Variants in SLC37A1 observed in about 807,000 individuals in gnomAD.
The protein encoded by SLC37A1 is glucose-6-phosphate exchanger SLC37A1.
SLC37A1 carries 49 observed loss-of-function variants against 75.3 expected under a neutral mutation model. The ratio of observed to expected loss-of-function variants is 0.65; its 90% CI spans 0.52 to 0.83. SLC37A1 has a LOEUF of 0.83. Ranked by LOEUF, SLC37A1 falls within the 40% of genes least tolerant of loss-of-function variation. The pLI is 0.00. For synonymous variants in SLC37A1, 268 were observed against 292.1 expected, an observed-to-expected ratio of 0.92 and a Z score of 0.84; for missense variants, 566 against 695.0, an observed-to-expected ratio of 0.81 and a Z score of 2.09.
At chr21:42,522,230 T>C (rs6586327) in intron 2 of SLC37A1, among the ~76,000 whole-genome samples, 109,614 of 152,202 alleles carry the variant, frequency 0.72, 40,157 homozygotes, top group Admixed American at 0.77. Flanking sequence ...AGGTTTTGGG[T>C]GGACATGAAA....
intron 2 of SLC37A1, among the ~76,000 whole-genome samples, chr21:42,523,897 C>T (rs376951401): frequency 0.055 from 8,132 of 148,758 alleles, 287 homozygotes; most frequent in Middle Eastern, 0.12. Context: ...GAAATATGGC[C>T]TTTTTTTTTT....
At position 42,543,377 on chromosome 21, in the gene SLC37A1, G is replaced by A. The variant is rs1207703459; in HGVS notation, c.564-59G>A. The A allele has an allele frequency of 3.7e-6, 6 of 1,607,542 alleles. No homozygotes were observed. In the African/African-American group the frequency reaches 4.0e-5, roughly 11 times the overall value. On this transcript the variant is annotated intron_variant, in intron 7 of 19. Transcript: ENST00000352133. ...TGCAGGCACTGCTGCGCCCTGCACT[G>A]CTGGACTCGTTTCAGCTTCTCAGCT...
At chr21:42,517,920 C>T (rs2054553009) in intron 1 of SLC37A1, among the ~76,000 whole-genome samples, 1 of 152,204 alleles carries the variant, frequency 6.6e-6, no homozygotes, top group South Asian at 2.1e-4. Flanking sequence ...CCTGGCATGC[C>T]TTGATATCTG....
intron 19 of SLC37A1, among the ~76,000 whole-genome samples, 191 bp downstream of exon 19, chr21:42,579,991 C>T (rs2056392561): frequency 6.6e-6 from 1 of 152,176 alleles, no homozygotes; most frequent in Admixed American, 6.5e-5. Context: ...GGTAATCTCT[C>T]CTCAAACCCT....
intron 9 of SLC37A1, among the ~76,000 whole-genome samples, chr21:42,549,459 C>A (rs1158709075): frequency 6.6e-6 from 1 of 152,234 alleles, no homozygotes; most frequent in Non-Finnish European, 1.5e-5. Context: ...GTGTCCCCGA[C>A]GTGCCCTGAG....
intron 18 of SLC37A1, chr21:42,575,331 G>T: frequency 8.1e-6 from 8 of 985,468 alleles, no homozygotes; most frequent in Non-Finnish European, 9.6e-6. Flanking sequence ...GCCTCCCAGT[G>T]GTCATCAGTG....
chr21:42,564,896 T>A, intron 14 of SLC37A1, 103 bp downstream of exon 14: 2 of 1,119,782 alleles, frequency 1.8e-6, no homozygotes, highest in Non-Finnish European at 2.6e-6. Context: ...TCCACTTTCC[T>A]GACAAGCCCG....
At chr21:42,539,670 C>T (rs1486135576) in intron 6 of SLC37A1, 23 bp downstream of exon 6, 3 of 1,604,126 alleles carry the variant, frequency 1.9e-6, no homozygotes, top group Non-Finnish European at 2.6e-6. Context: ...ATCCGTGGCT[C>T]ACCATGTACG....
In SLC37A1 at chr21:42,559,017, C is replaced by T. The variant is rs118032072; in HGVS notation, c.909C>T (p.His303=). The T allele has an allele frequency of 0.052, 84,589 of 1,613,780 alleles. 2,571 individuals carry two copies. Among genetic ancestry groups the T allele is most frequent in the Non-Finnish European group, 0.061 (72,160 of 1,179,836 alleles). ...GGAAGGGCTCCATCCACCCGAACCA[C>T]GTCGTCATTCTCCCCGGGGACGGTG... The part of the protein sequence containing the change: ...SDGKGSIHPN[H]VVILPGDGGS... The change falls in exon 11 of 20, where the codon CAC becomes CAT. Residue 303 remains histidine, a synonymous_variant. Transcript: ENST00000352133.
In SLC37A1 at chr21:42,508,160, GCT is replaced by G. The variant is rs1301606027; in HGVS notation, c.-179+5746_-179+5747del. On this transcript the variant is annotated intron_variant, in intron 2 of 20. Transcript: ENST00000398341. ...TTTTTTTTTTTTGAGGCGGAGTCTC[GCT>G]CTGTTGCCCAGGCTGGAGTGCAATG... Among the ~76,000 whole-genome samples the G allele has an allele frequency of 3.5e-4, 44 of 126,522 alleles. 1 individual carries two copies. Among genetic ancestry groups the G allele is most frequent in the African/African-American group, 1.3e-3 (42 of 32,418 alleles). The allele number at this position is 126,522 out of a possible 152,430, so 83.0% of individuals were successfully genotyped here.
rs551693276 is a variant in SLC37A1 at position 42,514,983 on chromosome 21, C to T, written c.-179+266C>T. On this transcript the variant is annotated intron_variant, in intron 1 of 19. Transcript: ENST00000352133. The surrounding 1 kb of genome is among the most constrained non-coding windows in gnomAD (Gnocchi z 4.8). ...CTTCCCCCGTTGTTTTTTTATTAAT[C>T]CCCTTTGAGAGCAAGCTTGAAAACA... 11 of 152,046 alleles carry T rather than the reference C, an allele frequency of 7.2e-5. No individual in the cohort carries two copies. The highest frequency in any genetic ancestry group is 2.4e-4 in the African/African-American group (10 of 41,486). 9.4% of individuals were successfully genotyped at this position (152,046 alleles called of 1,614,324 possible).
chr21:42,535,037 T>C (rs1051226546), intron 4 of SLC37A1, among the ~76,000 whole-genome samples: 1 of 152,244 alleles, frequency 6.6e-6, no homozygotes, highest in Non-Finnish European at 1.5e-5. Flanking sequence ...GTTCTCTTTA[T>C]GGGGAAATGT....
At chr21:42,528,555 G>T (rs2054859427) in intron 3 of SLC37A1, among the ~76,000 whole-genome samples, 1 of 152,254 alleles carries the variant, frequency 6.6e-6, no homozygotes, top group African/African-American at 2.4e-5. Flanking sequence ...GCTAGGCGCA[G>T]TGGCTCACGC....
In SLC37A1 at chr21:42,542,492, C is replaced by T. The variant is rs1220822385; in HGVS notation, c.563+12C>T. 6.2e-7 allele frequency: 1 copy of T among 1,613,798 alleles called. No individual in the cohort carries two copies. Among genetic ancestry groups the T allele is most frequent in the Admixed American group, 1.7e-5 (1 of 60,018 alleles). On this transcript the variant is annotated intron_variant, in intron 7 of 19. Transcript: ENST00000352133. Reference sequence around the variant, plus strand: ...TTTGGAAAAGGAAGGTGAGAAAAAGCAGCCCTGTTTCCAATAGCAGATGAA... The same window carrying T: ...TTTGGAAAAGGAAGGTGAGAAAAAGTAGCCCTGTTTCCAATAGCAGATGAA...
At position 42,565,833 on chromosome 21, in the gene SLC37A1, ATCT is replaced by A; in HGVS notation, c.1232_1234del (p.Phe411del). Reference sequence around the variant, plus strand: ...TGTGTCTTGATGTCCACAGCTCTACATCTTCTCCACCGTCAGCAAGATGGGGCT... The same window carrying A: ...TGTGTCTTGATGTCCACAGCTCTACATCTCCACCGTCAGCAAGATGGGGCT... On this transcript the variant is annotated inframe_deletion, in exon 15 of 20. Coordinates refer to ENST00000352133, the MANE Select transcript of SLC37A1 (RefSeq NM_001320537.2). 1 of 1,614,036 alleles carries A rather than the reference ATCT, an allele frequency of 6.2e-7. No homozygotes were observed. Among genetic ancestry groups the A allele is most frequent in the Non-Finnish European group, 8.5e-7 (1 of 1,179,938 alleles).
chr21:42,554,982 G>GGTTTTTTT (rs368777229), intron 10 of SLC37A1, among the ~76,000 whole-genome samples: 1 of 116,598 alleles, frequency 8.6e-6, no homozygotes. Context: ...TTGGTTGGTT[G>GGTTTTTTT]TTTTTTTTTT....
upstream of SLC37A1, chr21:42,509,194 A>G (rs2054412096): frequency 6.6e-6 from 1 of 152,132 alleles, no homozygotes; most frequent in African/African-American, 2.4e-5. The surrounding 1 kb of genome is among the most constrained non-coding windows in gnomAD (Gnocchi z 4.2). Flanking sequence ...GTAGTTCCCT[A>G]TATTTCTAAA....
intron 5 of SLC37A1, among the ~76,000 whole-genome samples, chr21:42,537,885 G>T (rs1391289773): frequency 2.0e-5 from 3 of 152,178 alleles, no homozygotes; most frequent in African/African-American, 7.2e-5. Flanking sequence ...TGAGGTCTCA[G>T]TGATGGGTGC....
rs2055433722 is a variant in SLC37A1 at position 42,547,269 on chromosome 21, T to C, written c.768+129T>C. On this transcript the variant is annotated intron_variant, in intron 9 of 19. Coordinates refer to ENST00000352133, the MANE Select transcript of SLC37A1 (RefSeq NM_001320537.2). The surrounding 1 kb of genome is among the most constrained non-coding windows in gnomAD (Gnocchi z 6.1). ...AGACAGAAGTCCCACCCTCAAAACA[T>C]TGGCAGTTCTAGGAATAGAGAATAT... 3 of 977,586 alleles carry C rather than the reference T, an allele frequency of 3.1e-6. No individual in the cohort carries two copies. Among genetic ancestry groups the C allele is most frequent in the African/African-American group, 3.2e-5 (2 of 61,736 alleles). The allele number at this position is 977,586 out of a possible 1,614,324, so 60.6% of individuals were successfully genotyped here.
Sources: allele counts gnomAD v4.1 joint callset (sites outside exome capture counted in the v4.1 genomes callset), GRCh38; gene constraint gnomAD v4.1.1; non-coding constraint Gnocchi (gnomAD v3.1); transcripts MANE v1.5; gene names NCBI Gene and HGNC (gene_info 2026-07-23, HGNC 2026-07-21).